Variants in ROBO1 observed in about 807,000 individuals in gnomAD.
The protein encoded by ROBO1 is roundabout homolog 1.
In ROBO1, 149 loss-of-function variants were observed where a neutral mutation model predicts 195.9. The observed-to-expected ratio is 0.76, with a 90% CI of 0.67 to 0.87. The LOEUF (loss-of-function observed/expected upper bound fraction) is 0.87. Among genes scored for constraint, ROBO1 ranks in the 40% least tolerant of loss-of-function variants. ROBO1 has a pLI of 0.00. For synonymous variants in ROBO1, 816 were observed against 733.2 expected, an observed-to-expected ratio of 1.11 and a Z score of -1.82; for missense variants, 1,933 against 2,068.3, an observed-to-expected ratio of 0.93 and a Z score of 1.27.
rs80313028 is a variant in ROBO1, at chr3:79,366,848, C to T, written c.88+222976G>A. On this transcript the variant is annotated intron_variant, in intron 2 of 30. Coordinates refer to ENST00000464233, the MANE Select transcript of ROBO1 (RefSeq NM_002941.4). ...TAGATTCCTGCTAAAAGGCTAAAAC[C>T]ACATTAGTCTCTTAAGAATATTCTA... Among the ~76,000 whole-genome samples the T allele has an allele frequency of 3.1e-3, 475 of 151,882 alleles. 3 individuals are homozygous for T. The highest frequency in any genetic ancestry group is 0.011 in the African/African-American group (439 of 41,386).
chr3:79,107,143 A>T (rs1374651857), intron 3 of ROBO1, among the ~76,000 whole-genome samples: 15 of 150,726 alleles, frequency 1.0e-4, no homozygotes, highest in African/African-American at 3.4e-4. Flanking sequence ...ACACACACAC[A>T]CACACACACA....
Position 78,760,392 on chromosome 3 carries a change from T to G in ROBO1, c.500-13492A>C, listed in dbSNP as rs1365787903. Among the ~76,000 whole-genome samples, 7 of 152,214 alleles carry G rather than the reference T, an allele frequency of 4.6e-5. No homozygotes were observed. The East Asian group carries it at 1.4e-3, about 30-fold the overall frequency. ...ATTATAAAATTCATTCCTCACTGGG[T>G]GCAGTGGCTCATACCTGTAATCCCT... On this transcript the variant is annotated intron_variant, in intron 4 of 30. Coordinates refer to ENST00000464233, the MANE Select transcript of ROBO1 (RefSeq NM_002941.4).
At chr3:78,694,915 T>A (rs1258541810) in intron 8 of ROBO1, among the ~76,000 whole-genome samples, 1 of 152,098 alleles carries the variant, frequency 6.6e-6, no homozygotes, top group Non-Finnish European at 1.5e-5. Context: ...GAGAAATGAT[T>A]CCTAAATATT....
intron 3 of ROBO1, among the ~76,000 whole-genome samples, chr3:79,109,572 A>G (rs2079847549): frequency 6.6e-6 from 1 of 152,008 alleles, no homozygotes; most frequent in Non-Finnish European, 1.5e-5. Context: ...AATCATTCCC[A>G]TGCATGTTTT....
chr3:78,699,199 A>G (rs2081364536), intron 8 of ROBO1, among the ~76,000 whole-genome samples: 1 of 151,946 alleles, frequency 6.6e-6, no homozygotes, highest in South Asian at 2.1e-4. Flanking sequence ...TTCACCTACT[A>G]TTTTGGTCTT....
At chr3:78,680,852 T>C (rs1332867416) in intron 10 of ROBO1, among the ~76,000 whole-genome samples, 1 of 149,770 alleles carries the variant, frequency 6.7e-6, no homozygotes, top group Non-Finnish European at 1.5e-5. Context: ...CAAAGGACTA[T>C]AAATCATGCT....
intron 1 of ROBO1, among the ~76,000 whole-genome samples, chr3:79,612,769 T>A (rs1560037825): frequency 5.1e-5 from 1 of 19,776 alleles, no homozygotes. Context: ...TTTGCATTTC[T>A]CTGATGGCCA....
intron 2 of ROBO1, among the ~76,000 whole-genome samples, chr3:79,506,634 A>G (rs1229849681): frequency 6.6e-6 from 1 of 152,060 alleles, no homozygotes; most frequent in Non-Finnish European, 1.5e-5. Flanking sequence ...TAGTAGAGAC[A>G]GGGTTTCACC....
intron 1 of ROBO1, among the ~76,000 whole-genome samples, chr3:79,654,273 G>A (rs984542349): frequency 6.6e-6 from 1 of 151,912 alleles, no homozygotes; most frequent in Non-Finnish European, 1.5e-5. Context: ...TAGAGCTTTT[G>A]ACAAACTACA....
intron 10 of ROBO1, among the ~76,000 whole-genome samples, chr3:78,675,322 A>G (rs1708344870): frequency 6.6e-6 from 1 of 152,128 alleles, no homozygotes; most frequent in Admixed American, 6.5e-5. Context: ...GGCGCCGGTC[A>G]GTGGGTGGAG....
intron 2 of ROBO1, among the ~76,000 whole-genome samples, chr3:79,169,139 T>A (rs751024942): frequency 2.6e-5 from 4 of 152,202 alleles, no homozygotes; most frequent in Non-Finnish European, 5.9e-5. Context: ...AGCAAGGCTA[T>A]GAAAGTGGAC....
chr3:78,854,743 C>A (rs114683342), intron 4 of ROBO1, among the ~76,000 whole-genome samples: 38 of 152,066 alleles, frequency 2.5e-4, no homozygotes, highest in African/African-American at 9.2e-4. Context: ...CAAGGTGATA[C>A]ACGTTGGCAA....
intron 3 of ROBO1, among the ~76,000 whole-genome samples, chr3:79,014,415 G>A (rs540630682): frequency 6.6e-6 from 1 of 152,322 alleles, no homozygotes; most frequent in East Asian, 1.9e-4. Flanking sequence ...AGAGGTTGCA[G>A]TGAGCCAAGA....
intron 2 of ROBO1, among the ~76,000 whole-genome samples, chr3:79,556,030 G>A (rs1451363665): frequency 5.3e-5 from 8 of 151,994 alleles, no homozygotes; most frequent in Admixed American, 5.3e-4. Context: ...ATTGTTTGAT[G>A]AATTCATGCA....
chr3:79,684,578 ATTC>A (rs1301888692), intron 1 of ROBO1, among the ~76,000 whole-genome samples: 4 of 152,000 alleles, frequency 2.6e-5, no homozygotes, highest in African/African-American at 7.2e-5. Flanking sequence ...TTTGACTAAT[ATTC>A]TTCTTTTGTT....
rs559742532 is a variant in ROBO1, at chr3:79,266,232, C to T, written c.89-140693G>A. On this transcript the variant is annotated intron_variant, in intron 2 of 30. Coordinates refer to ENST00000464233, the MANE Select transcript of ROBO1 (RefSeq NM_002941.4). ...AGTTGCATGTCAGTCAGAAGAAAAT[C>T]CAGCGAGAGCTCAAATACATGTTAT... is the stretch of plus-strand genomic sequence containing the variant. Among the ~76,000 whole-genome samples the T allele has an allele frequency of 2.0e-5, 3 of 151,596 alleles. No individual in the cohort carries two copies. In the South Asian group the frequency reaches 6.2e-4, roughly 31 times the overall value.
intron 1 of ROBO1, among the ~76,000 whole-genome samples, chr3:79,708,947 T>G (rs1260837666): frequency 6.6e-6 from 1 of 152,164 alleles, no homozygotes; most frequent in Non-Finnish European, 1.5e-5. Context: ...TATTTTTTTT[T>G]CTTTATACCA....
chr3:78,605,225 A>C (rs1703399104), intron 29 of ROBO1, among the ~76,000 whole-genome samples: 1 of 152,162 alleles, frequency 6.6e-6, no homozygotes, highest in South Asian at 2.1e-4. Flanking sequence ...TTTATAGGAC[A>C]CTATTTTCAA....
At chr3:79,255,492 G>T (rs1305367370) in intron 2 of ROBO1, among the ~76,000 whole-genome samples, 1 of 152,154 alleles carries the variant, frequency 6.6e-6, no homozygotes, top group Admixed American at 6.6e-5. Flanking sequence ...GCTGAGCTAA[G>T]GAATTTTCTG....
Sources: gnomAD v4.1 joint callset for allele counts (sites outside exome capture counted in the v4.1 genomes callset) on GRCh38, gnomAD v4.1.1 for gene constraint, MANE v1.5 for transcripts, NCBI Gene and HGNC (gene_info 2026-07-23, HGNC 2026-07-21) for gene names.